PTPN4: variants seen among roughly 807,000 people sequenced by gnomAD.
PTPN4 encodes the protein protein tyrosine phosphatase non-receptor type 4.
In PTPN4, 49 loss-of-function variants were observed where a neutral mutation model predicts 135.5. The ratio of observed to expected loss-of-function variants is 0.36; its 90% CI spans 0.29 to 0.46. PTPN4 has a LOEUF of 0.46. PTPN4 is among the 20% of genes least tolerant of loss of function. The pLI is 1.00. For missense variants in PTPN4, 860 were observed against 1,101.0 expected (o/e 0.78, Z 3.10); for synonymous variants, 333 against 369.9 (o/e 0.90, Z 1.14).
chr2:119,921,501 A>G (rs1032719489), intron 12 of PTPN4, among the ~76,000 whole-genome samples: 5 of 152,174 alleles, frequency 3.3e-5, no homozygotes, highest in Non-Finnish European at 5.9e-5. Context: ...CTCCCACCCC[A>G]GAAAAATTAG....
At chr2:119,837,807 C>G (rs1677318246) in intron 2 of PTPN4, among the ~76,000 whole-genome samples, 1 of 152,252 alleles carries the variant, frequency 6.6e-6, no homozygotes, top group Non-Finnish European at 1.5e-5. Flanking sequence ...TTCCCCTCAT[C>G]TAGATTCAGG....
intron 26 of PTPN4, 59 bp downstream of exon 26, chr2:119,968,031 A>T (rs1574425600): frequency 8.1e-7 from 1 of 1,235,262 alleles, no homozygotes; most frequent in South Asian, 2.2e-5. Context: ...TTTGTTGCCA[A>T]TGCATATTCT....
intron 12 of PTPN4, among the ~76,000 whole-genome samples, chr2:119,920,684 A>G (rs1678724155): frequency 6.6e-6 from 1 of 152,234 alleles, no homozygotes; most frequent in East Asian, 1.9e-4. Context: ...TGTTTAAAAC[A>G]GTCACGAGGC....
intron 1 of PTPN4, among the ~76,000 whole-genome samples, chr2:119,783,489 C>T (rs1307497522): frequency 6.6e-6 from 1 of 152,148 alleles, no homozygotes; most frequent in Admixed American, 6.5e-5. Context: ...GATTAGCAAA[C>T]CTTACAAATA....
chr2:119,983,853 G>C lies in PTPN4; in HGVS notation c.*6783G>C, dbSNP rs1679728142. ...CTCACAGCTAGTTTCATCTAAGCTTGGTTTATTATCATTTCTGCTTTGGAT... is the reference window on the plus strand; with the variant it reads ...CTCACAGCTAGTTTCATCTAAGCTTCGTTTATTATCATTTCTGCTTTGGAT... On this transcript the variant is annotated 3_prime_UTR_variant, in exon 27 of 27. Coordinates refer to ENST00000263708, the MANE Select transcript of PTPN4 (RefSeq NM_002830.4). The C allele has an allele frequency of 6.6e-6, 1 of 152,130 alleles. No homozygotes were observed. Among genetic ancestry groups the C allele is most frequent in the South Asian group, 2.1e-4 (1 of 4,830 alleles). The allele number at this position is 152,130 out of a possible 1,614,324, so 9.4% of individuals were successfully genotyped here.
At chr2:119,838,126 CT>C in intron 2 of PTPN4, among the ~76,000 whole-genome samples, 2 of 152,236 alleles carry the variant, frequency 1.3e-5, no homozygotes, top group Admixed American at 6.5e-5. Flanking sequence ...AATGTGAACA[CT>C]TTTTTTTAAA....
At chr2:119,884,812 TGAG>T (rs1404939936) in intron 8 of PTPN4, among the ~76,000 whole-genome samples, 92 of 152,316 alleles carry the variant, frequency 6.0e-4, no homozygotes, top group African/African-American at 2.2e-3. Context: ...CTGTTTTTTT[TGAG>T]GAGTCGTGTT....
intron 9 of PTPN4, among the ~76,000 whole-genome samples, chr2:119,897,593 A>AT (rs1425968338): frequency 3.9e-4 from 59 of 152,364 alleles, no homozygotes; most frequent in Admixed American, 1.7e-3. Flanking sequence ...TATAATTACC[A>AT]TATCAGTTAT....
intron 1 of PTPN4, among the ~76,000 whole-genome samples, chr2:119,785,725 G>A (rs561558883): frequency 1.2e-4 from 18 of 151,686 alleles, no homozygotes; most frequent in East Asian, 3.9e-4. Context: ...AAATTTTGCC[G>A]TGTTTGCTTT....
At chr2:119,766,472 GTGTGTGTGTGTC>G (rs766603912) in intron 1 of PTPN4, among the ~76,000 whole-genome samples, 4,356 of 135,434 alleles carry the variant, frequency 0.032, 104 homozygotes, top group African/African-American at 0.085. Context: ...GTGTGTGTGT[GTGTGTGTGTGTC>G]TGTGTGTGTG....
Position 119,862,638 on chromosome 2 carries a change from A to T in PTPN4, c.241A>T (p.Asn81Tyr). 6.2e-7 allele frequency: 1 copy of T among 1,604,606 alleles called. No individual in the cohort carries two copies. Among genetic ancestry groups the T allele is most frequent in the East Asian group, 2.2e-5 (1 of 44,806 alleles). Residue 81 changes from asparagine (N) to tyrosine (Y), a missense_variant, in exon 3 of 27, where the codon AAC becomes TAC. Around this residue, in one of 2 missense-constraint regions of PTPN4, gnomAD observed 684 missense variants for 807.0 expected, o/e 0.85. Coordinates refer to ENST00000263708, the MANE Select transcript of PTPN4 (RefSeq NM_002830.4). ...ACAGTTGGCTGATGATTCCACAGAT[A>T]ACCCAGTAAGTGTAAGATTTTGTCT... The part of the protein sequence containing the change: ...GLQLADDSTD[N>Y]PRWLDPNKPI...
chr2:119,862,620 G>A lies in PTPN4; in HGVS notation c.223G>A (p.Ala75Thr). The A allele has an allele frequency of 6.2e-7, 1 of 1,611,656 alleles. No homozygotes were observed. The highest frequency in any genetic ancestry group is 8.5e-7 in the Non-Finnish European group (1 of 1,178,276). The change falls in exon 3 of 27, where the codon GCT becomes ACT. Residue 75 changes from alanine (A) to threonine (T), a missense_variant. Physicochemically the swap from Ala to Thr is moderately conservative, Grantham distance 58. Transcript: ENST00000263708. ...TEQDYFGLQL[A>T]DDSTDNPRWL... Reference sequence around the variant, plus strand: ...GCAGGACTATTTTGGTTTACAGTTGGCTGATGATTCCACAGATAACCCAGT... The same window carrying A: ...GCAGGACTATTTTGGTTTACAGTTGACTGATGATTCCACAGATAACCCAGT...
At position 119,977,896 on chromosome 2, in the gene PTPN4, T is replaced by C. The variant is rs1679641053; in HGVS notation, c.*826T>C. ...CCCCACTAGGAGGTATATATGTATA[T>C]TGTACATTCGTATATTTTTATGCAT... On this transcript the variant is annotated 3_prime_UTR_variant, in exon 27 of 27. Transcript: ENST00000263708. 6.6e-6 allele frequency: 1 copy of C among 152,220 alleles called. No homozygotes were observed. The highest frequency in any genetic ancestry group is 1.5e-5 in the Non-Finnish European group (1 of 68,034). The allele number at this position is 152,220 out of a possible 1,614,324, so 9.4% of individuals were successfully genotyped here.
At chr2:119,854,269 G>A (rs1272638422) in intron 2 of PTPN4, among the ~76,000 whole-genome samples, 1 of 152,162 alleles carries the variant, frequency 6.6e-6, no homozygotes, top group Non-Finnish European at 1.5e-5. Context: ...CATGCTGAAT[G>A]GACCCAGTTT....
intron 26 of PTPN4, among the ~76,000 whole-genome samples, chr2:119,973,666 T>G (rs947539437): frequency 7.3e-5 from 10 of 137,750 alleles, no homozygotes; most frequent in African/African-American, 2.9e-4. Flanking sequence ...TTTTTTTTTT[T>G]TTTTTTTTTT....
intron 2 of PTPN4, among the ~76,000 whole-genome samples, chr2:119,816,136 T>C (rs915552046): frequency 5.3e-5 from 8 of 152,210 alleles, no homozygotes; most frequent in Admixed American, 6.5e-5. Flanking sequence ...GGATATATGG[T>C]ATGGCCTGTT....
At chr2:119,919,651 C>T (rs113955071) in intron 11 of PTPN4, among the ~76,000 whole-genome samples, 12 of 152,074 alleles carry the variant, frequency 7.9e-5, no homozygotes, top group Admixed American at 2.0e-4. Flanking sequence ...GGTGAAACCC[C>T]GTCTCTACTA....
In PTPN4 at chr2:119,917,216, C is replaced by G. The variant is rs375045321; in HGVS notation, c.828+1974C>G. Reference sequence around the variant, plus strand: ...TCATTTTCATATCACTGAATCCTCACTCTCATTTTCTGAAGTAGTGTACCA... The same window carrying G: ...TCATTTTCATATCACTGAATCCTCAGTCTCATTTTCTGAAGTAGTGTACCA... On this transcript the variant is annotated intron_variant, in intron 11 of 26. Transcript: ENST00000263708. 2.4e-4 allele frequency among the ~76,000 whole-genome samples: 37 copies of G among 152,302 alleles called. No homozygotes were observed. In the South Asian group the frequency reaches 5.8e-3, roughly 24 times the overall value.
chr2:119,807,549 C>A (rs1041687166), intron 1 of PTPN4, among the ~76,000 whole-genome samples: 1 of 152,214 alleles, frequency 6.6e-6, no homozygotes, highest in East Asian at 1.9e-4. Context: ...TCTGAATAGA[C>A]CAATAACAGG....
Sources: allele counts gnomAD v4.1 joint callset (sites outside exome capture counted in the v4.1 genomes callset), GRCh38; gene constraint gnomAD v4.1.1; regional missense constraint gnomAD v4.1.1; transcripts MANE v1.5; gene names NCBI Gene and HGNC (gene_info 2026-07-23, HGNC 2026-07-21).